Variants in RUNDC3B observed in about 807,000 individuals in gnomAD.
RUNDC3B encodes RUN domain containing 3B, also known as RUN domain-containing protein 3B.
A neutral mutation model predicts 58.4 loss-of-function variants in RUNDC3B; 33 were observed. The ratio of observed to expected loss-of-function variants is 0.56; its 90% CI spans 0.43 to 0.75. The LOEUF (loss-of-function observed/expected upper bound fraction) is 0.75, where lower values mean the gene tolerates loss of function less well. Among genes scored for constraint, RUNDC3B ranks in the 30% least tolerant of loss-of-function variants. The pLI is 0.00. For synonymous variants in RUNDC3B, 193 were observed against 195.2 expected, an observed-to-expected ratio of 0.99 and a Z score of 0.10; for missense variants, 501 against 535.7, an observed-to-expected ratio of 0.94 and a Z score of 0.64.
chr7:87,747,289 A>G (rs1832697356), intron 6 of RUNDC3B, among the ~76,000 whole-genome samples: 1 of 151,778 alleles, frequency 6.6e-6, no homozygotes, highest in Non-Finnish European at 1.5e-5. Context: ...CTTGGCTTCT[A>G]CTGGGGGGGT....
At chr7:87,741,178 C>T (rs757076031) in intron 5 of RUNDC3B, among the ~76,000 whole-genome samples, 1 of 150,738 alleles carries the variant, frequency 6.6e-6, no homozygotes, top group Non-Finnish European at 1.5e-5. Context: ...GCACTCCAGC[C>T]TGGGTGACAG....
At chr7:87,694,811 A>G (rs899648550) in intron 2 of RUNDC3B, among the ~76,000 whole-genome samples, 1 of 152,206 alleles carries the variant, frequency 6.6e-6, no homozygotes, top group East Asian at 1.9e-4. Context: ...TTACTGGGAT[A>G]AAAAAGCCTA....
At chr7:87,744,130 G>C (rs1464028315) in intron 6 of RUNDC3B, among the ~76,000 whole-genome samples, 1 of 152,016 alleles carries the variant, frequency 6.6e-6, no homozygotes, top group African/African-American at 2.4e-5. Context: ...GTAAGTATTT[G>C]GGTTTATTTC....
intron 2 of RUNDC3B, among the ~76,000 whole-genome samples, chr7:87,690,282 G>A (rs1827888899): frequency 6.6e-6 from 1 of 152,016 alleles, no homozygotes; most frequent in Admixed American, 6.6e-5. Context: ...CTGTTTAGTT[G>A]ATTGCCATTG....
chr7:87,749,506 G>C (rs1832838028), intron 6 of RUNDC3B, among the ~76,000 whole-genome samples: 1 of 152,104 alleles, frequency 6.6e-6, no homozygotes, highest in African/African-American at 2.4e-5. Flanking sequence ...AGCATCACTA[G>C]TCATGGAGTT....
At position 87,628,584 on chromosome 7, in the gene RUNDC3B, CGT is replaced by C. The variant is rs71117546; in HGVS notation, c.-200_-199del. 36,720 of 288,500 alleles carry C rather than the reference CGT, an allele frequency of 0.13. 1,664 individuals carry two copies. The highest frequency in any genetic ancestry group is 0.15 in the African/African-American group (6,360 of 41,620). 17.9% of individuals were successfully genotyped at this position (288,500 alleles called of 1,614,324 possible). ...CGAGGGCGGAGGTGGTGCGTGCGTG[CGT>C]GTGTGTGTGTGTGTGTGTGTGTGTG... On this transcript the variant is annotated 5_prime_UTR_variant, in exon 1 of 11. Transcript: ENST00000394654.
intron 8 of RUNDC3B, among the ~76,000 whole-genome samples, chr7:87,788,728 T>C: frequency 6.6e-6 from 1 of 151,654 alleles, no homozygotes; most frequent in Admixed American, 6.6e-5. Flanking sequence ...TTTCTTTTCT[T>C]TTTTTATTAT....
At chr7:87,755,966 G>T (rs1833347134) in intron 6 of RUNDC3B, among the ~76,000 whole-genome samples, 1 of 152,088 alleles carries the variant, frequency 6.6e-6, no homozygotes, top group Non-Finnish European at 1.5e-5. Context: ...AAAAAATATT[G>T]TCCTGTAAGA....
chr7:87,679,501 C>A (rs549512209), intron 2 of RUNDC3B, among the ~76,000 whole-genome samples: 5 of 149,960 alleles, frequency 3.3e-5, no homozygotes, highest in Non-Finnish European at 7.4e-5. Context: ...ATGATTCTCC[C>A]ACCTCAGGTT....
At chr7:87,734,745 A>G (rs942033502) in intron 4 of RUNDC3B, among the ~76,000 whole-genome samples, 1 of 152,160 alleles carries the variant, frequency 6.6e-6, no homozygotes, top group African/African-American at 2.4e-5. Flanking sequence ...CCAATAATCT[A>G]CAAGCTACCC....
chr7:87,829,885 G>A lies in RUNDC3B; in HGVS notation c.1226G>A (p.Gly409Asp), dbSNP rs937777757. 2.5e-6 allele frequency: 4 copies of A among 1,592,176 alleles called. No homozygotes were observed. Among genetic ancestry groups the A allele is most frequent in the Non-Finnish European group, 3.4e-6 (4 of 1,168,374 alleles). Residue 409 changes from glycine (G) to aspartate (D), a missense_variant and splice_region_variant, in exon 11 of 11, where the codon GGT (glycine) becomes GAT (aspartate). Coordinates refer to ENST00000394654, the MANE Select transcript of RUNDC3B (RefSeq NM_001134405.2). ...TTTGCTATTTAATTCTAATTTTCAG[G>A]TAAGGAAGATACTCCCTCATTACTT... ...KQDTLNVMSE[G>D]KEDTPSLLGL...
intron 8 of RUNDC3B, among the ~76,000 whole-genome samples, chr7:87,795,983 A>G (rs150586719): frequency 3.9e-5 from 6 of 152,282 alleles, no homozygotes. Context: ...GGCAATCAGT[A>G]TATTGAAGAA....
intron 10 of RUNDC3B, among the ~76,000 whole-genome samples, chr7:87,822,864 A>G (rs1837562924): frequency 6.6e-6 from 1 of 152,146 alleles, no homozygotes; most frequent in Admixed American, 6.5e-5. Context: ...CAAGAAGGGG[A>G]ACATCACACT....
intron 8 of RUNDC3B, among the ~76,000 whole-genome samples, chr7:87,802,462 C>T (rs1194171358): frequency 6.6e-6 from 1 of 151,712 alleles, no homozygotes; most frequent in Non-Finnish European, 1.5e-5. Context: ...GGTAAATGGA[C>T]ACAAAAAAAA....
intron 7 of RUNDC3B, among the ~76,000 whole-genome samples, chr7:87,774,984 A>AT (rs1472392441): frequency 1.3e-5 from 2 of 152,384 alleles, no homozygotes; most frequent in African/African-American, 2.4e-5. Flanking sequence ...CTTGATAATG[A>AT]TAATAAAATA....
intron 2 of RUNDC3B, among the ~76,000 whole-genome samples, chr7:87,660,834 G>A (rs1824629867): frequency 6.6e-6 from 1 of 151,678 alleles, no homozygotes; most frequent in African/African-American, 2.4e-5. Flanking sequence ...GAGTAATTTG[G>A]AAGTCTTTTT....
intron 9 of RUNDC3B, among the ~76,000 whole-genome samples, chr7:87,808,092 G>C (rs1836532254): frequency 6.6e-6 from 1 of 152,030 alleles, no homozygotes; most frequent in African/African-American, 2.4e-5. Flanking sequence ...CTTGAAACTT[G>C]TAAGTTGTAT....
intron 4 of RUNDC3B, among the ~76,000 whole-genome samples, chr7:87,737,362 G>C (rs1832048738): frequency 6.6e-6 from 1 of 151,864 alleles, no homozygotes; most frequent in Middle Eastern, 3.2e-3. Context: ...TTTCAATGAG[G>C]TAAAATGAAA....
intron 10 of RUNDC3B, among the ~76,000 whole-genome samples, chr7:87,821,059 G>A (rs1416690055): frequency 3.5e-4 from 53 of 149,680 alleles, no homozygotes; most frequent in African/African-American, 1.3e-3. Flanking sequence ...GCAGGAGAAG[G>A]AAATAAAGGG....
Sources: allele counts gnomAD v4.1 joint callset (sites outside exome capture counted in the v4.1 genomes callset), GRCh38; gene constraint gnomAD v4.1.1; transcripts MANE v1.5; gene names NCBI Gene and HGNC (gene_info 2026-07-23, HGNC 2026-07-21).